The following KCTD3 variants were observed in gnomAD, a reference collection of about 807,000 sequenced individuals.
KCTD3 encodes the protein BTB/POZ domain-containing protein KCTD3.
KCTD3 carries 41 observed loss-of-function variants against 85.8 expected under a neutral mutation model. That is an observed-to-expected ratio of 0.48 (90% CI 0.37 to 0.62). The LOEUF (loss-of-function observed/expected upper bound fraction) is 0.62. Among genes scored for constraint, KCTD3 ranks in the 20% least tolerant of loss-of-function variants. KCTD3 has a pLI of 0.00. For missense variants in KCTD3, 724 were observed against 989.9 expected, an observed-to-expected ratio of 0.73 and a Z score of 3.60; for synonymous variants, 338 against 345.4, an observed-to-expected ratio of 0.98 and a Z score of 0.24.
At chr1:215,585,236 T>C (rs1659964215) in intron 8 of KCTD3, among the ~76,000 whole-genome samples, 1 of 152,210 alleles carries the variant, frequency 6.6e-6, no homozygotes, top group African/African-American at 2.4e-5. Context: ...AGTATTTTCA[T>C]TTGTTTATCT....
At chr1:215,571,406 T>C (rs1659361009) in intron 1 of KCTD3, among the ~76,000 whole-genome samples, 1 of 152,202 alleles carries the variant, frequency 6.6e-6, no homozygotes, top group African/African-American at 2.4e-5. Context: ...GTTAATCAGA[T>C]AAATGGGCGT....
intron 9 of KCTD3, among the ~76,000 whole-genome samples, chr1:215,593,027 G>A (rs1660281498): frequency 6.6e-6 from 1 of 152,134 alleles, no homozygotes; most frequent in Non-Finnish European, 1.5e-5. Context: ...ATGTTAGTTG[G>A]TTTTCCTGTT....
At chr1:215,619,946 T>C in intron 17 of KCTD3, 111 bp from the exon 18 acceptor site, 1 of 679,974 alleles carries the variant, frequency 1.5e-6, no homozygotes, top group Non-Finnish European at 2.3e-6. Flanking sequence ...AATATGGATA[T>C]AATACACTTT....
chr1:215,605,949 C>G (rs1420922806), intron 13 of KCTD3, among the ~76,000 whole-genome samples: 1 of 152,130 alleles, frequency 6.6e-6, no homozygotes, highest in Non-Finnish European at 1.5e-5. Flanking sequence ...ACACAGCAGC[C>G]AGAAGCATCT....
Position 215,619,425 on chromosome 1 carries a change from C to T in KCTD3, c.1886+134C>T, listed in dbSNP as rs1655580256. 9.2e-6 allele frequency: 7 copies of T among 760,084 alleles called. No individual in the cohort carries two copies. The East Asian group carries it at 2.0e-4, about 21-fold the overall frequency. 47.1% of individuals were successfully genotyped at this position (760,084 alleles called of 1,614,324 possible). ...ATTTTAAATTCAGACATTATGTTAA[C>T]TTTTTAACAGTTTTACCAAATTTCT... On this transcript the variant is annotated intron_variant, in intron 17 of 17. Coordinates refer to ENST00000259154, the MANE Select transcript of KCTD3 (RefSeq NM_016121.5).
intron 13 of KCTD3, among the ~76,000 whole-genome samples, chr1:215,605,818 A>G (rs1654998095): frequency 6.6e-6 from 1 of 152,062 alleles, no homozygotes; most frequent in Middle Eastern, 3.2e-3. Flanking sequence ...TTGCTGCCAC[A>G]TTATGTCACA....
At chr1:215,612,603 G>T (rs531942228) in intron 15 of KCTD3, among the ~76,000 whole-genome samples, 1 of 152,224 alleles carries the variant, frequency 6.6e-6, no homozygotes, top group South Asian at 2.1e-4. Context: ...CAAACTTAAA[G>T]AACATAGTGA....
At chr1:215,571,555 C>T (rs957656233) in intron 1 of KCTD3, among the ~76,000 whole-genome samples, 1 of 152,072 alleles carries the variant, frequency 6.6e-6, no homozygotes, top group African/African-American at 2.4e-5. Flanking sequence ...TACTGTCTTT[C>T]CTTCAGTTAG....
intron 1 of KCTD3, among the ~76,000 whole-genome samples, chr1:215,569,362 T>TG (rs1435925974): frequency 5.5e-4 from 84 of 151,980 alleles, no homozygotes; most frequent in African/African-American, 2.0e-3. Context: ...CTCGTGATGC[T>TG]CCCGCCTCGG....
intron 7 of KCTD3, among the ~76,000 whole-genome samples, chr1:215,579,623 G>A (rs758198060): frequency 6.7e-4 from 102 of 151,542 alleles, no homozygotes; most frequent in African/African-American, 1.9e-3. Flanking sequence ...CTCAGCCTCC[G>A]GAGTAGCTGG....
Position 215,574,093 on chromosome 1 carries a change from C to A in KCTD3, c.158C>A (p.Ser53Ter). The change falls in exon 3 of 18, where the codon TCA (serine) becomes TAA (stop). Residue 53 changes from serine (S) to a stop codon, truncating the protein, a stop_gained. Transcript: ENST00000259154. LOFTEE classifies it high-confidence loss of function. ...FFSSLLSGRI[S>*]TLRDETGAIF... ...TCCAGTTTGCTGAGTGGGAGAATTT[C>A]AACACTTCGAGATGAAACTGGTGCT... 6.3e-7 allele frequency: 1 copy of A among 1,588,556 alleles called. No individual in the cohort carries two copies. Among genetic ancestry groups the A allele is most frequent in the Non-Finnish European group, 8.6e-7 (1 of 1,162,840 alleles).
chr1:215,598,847 A>G (rs1654713504), intron 10 of KCTD3, among the ~76,000 whole-genome samples: 1 of 152,242 alleles, frequency 6.6e-6, no homozygotes, highest in Non-Finnish European at 1.5e-5. Flanking sequence ...GTGAGAAAGC[A>G]TTTCAGATAG....
intron 8 of KCTD3, among the ~76,000 whole-genome samples, chr1:215,583,710 AG>A (rs1659910003): frequency 1.5e-4 from 23 of 152,272 alleles, no homozygotes; most frequent in Middle Eastern, 3.4e-3. Flanking sequence ...TAAGGGTTTC[AG>A]AGGGAGGAAG....
chr1:215,602,331 T>C (rs1001679941), intron 12 of KCTD3, 130 bp downstream of exon 12: 19 of 508,856 alleles, frequency 3.7e-5, no homozygotes, highest in Non-Finnish European at 6.3e-5. Context: ...ATTTCATCTC[T>C]ACTAAGTCTA....
At position 215,620,422 on chromosome 1, in the gene KCTD3, T is replaced by C. The variant is rs1031574309; in HGVS notation, c.2252T>C (p.Ile751Thr). The change falls in exon 18 of 18, where the codon ATA (isoleucine) becomes ACA (threonine). Residue 751 changes from isoleucine to threonine, a missense_variant. Physicochemically the swap from Ile to Thr is moderately conservative, Grantham distance 89. Coordinates refer to ENST00000259154, the MANE Select transcript of KCTD3 (RefSeq NM_016121.5). ...RSSEDENENK[I>T]EFRKKGGFEG... ...TCAGAAGATGAAAATGAAAATAAAATAGAGTTTAGGAAGAAAGGAGGATTT... is the reference window on the plus strand; with the variant it reads ...TCAGAAGATGAAAATGAAAATAAAACAGAGTTTAGGAAGAAAGGAGGATTT... 3.1e-6 allele frequency: 5 copies of C among 1,612,998 alleles called. No individual in the cohort carries two copies. The highest frequency in any genetic ancestry group is 4.2e-6 in the Non-Finnish European group (5 of 1,179,580).
intron 3 of KCTD3, among the ~76,000 whole-genome samples, chr1:215,574,999 T>A (rs1172995239): frequency 1.3e-5 from 2 of 152,098 alleles, no homozygotes; most frequent in Non-Finnish European, 2.9e-5. Context: ...TGCCTGTAAT[T>A]CCAGCACTTT....
chr1:215,620,605 A>G lies in KCTD3; in HGVS notation c.2435A>G (p.Glu812Gly), dbSNP rs1225342420. Residue 812 changes from glutamate (E) to glycine (G), a missense_variant, in exon 18 of 18, where the codon GAG (glutamate) becomes GGG (glycine). Glu to Gly is a moderately conservative substitution (Grantham distance 98, BLOSUM62 -2). Around this residue, in one of 6 missense-constraint regions of KCTD3, gnomAD observed 222 missense variants for 217.7 expected, o/e 1.02. Coordinates refer to ENST00000259154, the MANE Select transcript of KCTD3 (RefSeq NM_016121.5). ...AAAAAAAGTGATTCTTCAGGTCAGGAGTACAGCTTGTGAAAACTCACCAAA... is the reference window on the plus strand; with the variant it reads ...AAAAAAAGTGATTCTTCAGGTCAGGGGTACAGCTTGTGAAAACTCACCAAA... Reference protein sequence around the residue: ...RHKKSDSSGQEYSL With the variant: ...RHKKSDSSGQGYSL 2 of 1,581,882 alleles carry G rather than the reference A, an allele frequency of 1.3e-6. No homozygotes were observed. The highest frequency in any genetic ancestry group is 1.7e-6 in the Non-Finnish European group (2 of 1,166,536).
intron 10 of KCTD3, among the ~76,000 whole-genome samples, chr1:215,599,779 A>C (rs2102587674): frequency 6.6e-6 from 1 of 152,268 alleles, no homozygotes; most frequent in East Asian, 1.9e-4. Context: ...TAAAGGTTAC[A>C]GAAGGAGAAG....
intron 14 of KCTD3, among the ~76,000 whole-genome samples, chr1:215,611,051 T>G (rs550529354): frequency 1.3e-5 from 2 of 152,120 alleles, no homozygotes; most frequent in Admixed American, 1.3e-4. Context: ...CTAAGTGTAA[T>G]GGGAAAAGAG....
Sources: gnomAD v4.1 joint callset for allele counts (sites outside exome capture counted in the v4.1 genomes callset) on GRCh38, gnomAD v4.1.1 for gene constraint, gnomAD v4.1.1 regional missense constraint, MANE v1.5 for transcripts, NCBI Gene and HGNC (gene_info 2026-07-23, HGNC 2026-07-21) for gene names.